COL21A1: variants seen among roughly 807,000 people sequenced by gnomAD.
The protein encoded by COL21A1 is collagen alpha-1(XXI) chain.
In COL21A1, 149 loss-of-function variants were observed where a neutral mutation model predicts 137.9. That is an observed-to-expected ratio of 1.08 (90% CI 0.95 to 1.24). The LOEUF (loss-of-function observed/expected upper bound fraction) is 1.24, where lower values mean the gene tolerates loss of function less well. Ranked by LOEUF, COL21A1 falls within the 50% of genes most tolerant of loss-of-function variation. COL21A1 has a pLI of 0.00. For synonymous variants in COL21A1, 456 were observed against 391.5 expected (o/e 1.16, Z -1.95); for missense variants, 1,167 against 1,158.4 (o/e 1.01, Z -0.11).
Position 56,060,049 on chromosome 6 carries a change from G to T in COL21A1, c.2577C>A (p.Val859=). Residue 859 remains valine, a synonymous_variant, in exon 28 of 30, where the codon GTC becomes GTA. Coordinates refer to ENST00000244728, the MANE Select transcript of COL21A1 (RefSeq NM_030820.4). ...ATCCTCTGACACCTGGACGTCCAGG[G>T]ACACCCACTAATCCAGGAACACCAT... The part of the protein sequence containing the change: ...GRDGVPGLVG[V]PGRPGVRGLK... The T allele has an allele frequency of 6.2e-7, 1 of 1,607,224 alleles. No individual in the cohort carries two copies. The highest frequency in any genetic ancestry group is 8.5e-7 in the Non-Finnish European group (1 of 1,177,874).
At chr6:56,253,495 T>C (rs1782901245) in intron 1 of COL21A1, among the ~76,000 whole-genome samples, 1 of 152,206 alleles carries the variant, frequency 6.6e-6, no homozygotes, top group Non-Finnish European at 1.5e-5. Flanking sequence ...TGACTGAGAA[T>C]GAAGCCAACA....
At chr6:56,232,170 T>A (rs1562009023) in intron 1 of COL21A1, among the ~76,000 whole-genome samples, 1 of 151,970 alleles carries the variant, frequency 6.6e-6, no homozygotes, top group East Asian at 1.9e-4. Flanking sequence ...TTTGAATAAA[T>A]CTATGTCTGG....
chr6:56,119,547 C>T (rs1772265205), intron 16 of COL21A1, among the ~76,000 whole-genome samples: 1 of 151,922 alleles, frequency 6.6e-6, no homozygotes, highest in African/African-American at 2.4e-5. Context: ...CAGAAACATA[C>T]AAAAACCAAT....
intron 16 of COL21A1, among the ~76,000 whole-genome samples, chr6:56,122,066 A>G (rs1281913234): frequency 1.3e-5 from 2 of 152,202 alleles, no homozygotes; most frequent in Non-Finnish European, 2.9e-5. Context: ...AAATACTATT[A>G]GCATTAAAAA....
intron 1 of COL21A1, among the ~76,000 whole-genome samples, chr6:56,313,343 C>G (rs1015532057): frequency 6.6e-6 from 1 of 152,064 alleles, no homozygotes; most frequent in Non-Finnish European, 1.5e-5. Flanking sequence ...AACACATTAC[C>G]TAGCTGTAAC....
chr6:56,375,553 G>A (rs886119184), intron 1 of COL21A1, among the ~76,000 whole-genome samples: 1 of 152,130 alleles, frequency 6.6e-6, no homozygotes, highest in African/African-American at 2.4e-5. Context: ...AGGGTGGTGG[G>A]CACTCTCTGC....
rs114352674 is a variant in COL21A1, at chr6:56,128,988, C to T, written c.1543-2839G>A. On this transcript the variant is annotated intron_variant, in intron 12 of 29. Coordinates refer to ENST00000244728, the MANE Select transcript of COL21A1 (RefSeq NM_030820.4). ...TTGTTTTAATTTTAGTACAACTCTC[C>T]CTCCTCTCCCCAGGCTAGAGACCCT... 3.8e-3 allele frequency among the ~76,000 whole-genome samples: 583 copies of T among 152,246 alleles called. 2 individuals are homozygous for T. The highest frequency in any genetic ancestry group is 0.013 in the African/African-American group (530 of 41,558).
In COL21A1 at chr6:56,088,049, CTTTAA is replaced by C. The variant is rs550399866; in HGVS notation, c.1813-10481_1813-10477del. ...TGATAAATTCTTCATCTTTGTTTTG[CTTTAA>C]TTTATCATATAATAATTTTGCTTTT... On this transcript the variant is annotated intron_variant, in intron 17 of 29. Transcript: ENST00000244728. 3.4e-3 allele frequency among the ~76,000 whole-genome samples: 517 copies of C among 152,182 alleles called. 5 individuals carry two copies. Among genetic ancestry groups the C allele is most frequent in the African/African-American group, 0.012 (496 of 41,522 alleles).
intron 17 of COL21A1, among the ~76,000 whole-genome samples, chr6:56,092,139 G>A (rs1211414603): frequency 6.6e-6 from 1 of 151,832 alleles, no homozygotes; most frequent in Non-Finnish European, 1.5e-5. Flanking sequence ...CAAAATCTAG[G>A]CCTCAATTGT....
chr6:56,179,998 T>A lies in COL21A1; in HGVS notation c.220A>T (p.Ile74Phe). 6.2e-7 allele frequency: 1 copy of A among 1,613,908 alleles called. No homozygotes were observed. Among genetic ancestry groups the A allele is most frequent in the Non-Finnish European group, 8.5e-7 (1 of 1,179,862 alleles). The change falls in exon 3 of 30, where the codon ATT becomes TTT. Residue 74 changes from isoleucine (I) to phenylalanine (F), a missense_variant. Coordinates refer to ENST00000244728, the MANE Select transcript of COL21A1 (RefSeq NM_030820.4). ...TKNFDIGPKF[I>F]QVGVVQYSDY... ...CTATATTGAACCACTCCAACTTGAA[T>A]AAACTTCGGCCCTATGTCAAAGTTT...
chr6:56,343,606 T>C (rs911130811), intron 1 of COL21A1, among the ~76,000 whole-genome samples: 1 of 152,196 alleles, frequency 6.6e-6, no homozygotes, highest in African/African-American at 2.4e-5. Context: ...TTGTCTCAGA[T>C]GCCTCTTTCT....
intron 23 of COL21A1, among the ~76,000 whole-genome samples, chr6:56,065,092 C>A (rs1382158207): frequency 7.2e-5 from 11 of 152,020 alleles, no homozygotes; most frequent in East Asian, 1.9e-4. Flanking sequence ...AAATGAAGAG[C>A]TTTAAAGCAG....
rs866953266 is a variant in COL21A1, at chr6:56,206,693, A to T, written c.-38-24037T>A. ...CCCAATTCAACAAAATAAATAAATAAATAAATATATATATATATATATATA... is the reference window on the plus strand; with the variant it reads ...CCCAATTCAACAAAATAAATAAATATATAAATATATATATATATATATATA... On this transcript the variant is annotated intron_variant, in intron 1 of 29. Coordinates refer to ENST00000244728, the MANE Select transcript of COL21A1 (RefSeq NM_030820.4). Among the ~76,000 whole-genome samples the T allele has an allele frequency of 2.4e-3, 308 of 127,606 alleles. 1 individual carries two copies. The highest frequency in any genetic ancestry group is 3.6e-3 in the Non-Finnish European group (205 of 57,674). The allele number at this position is 127,606 out of a possible 152,430, so 83.7% of individuals were successfully genotyped here.
intron 1 of COL21A1, among the ~76,000 whole-genome samples, chr6:56,329,539 T>C (rs1313772116): frequency 6.6e-6 from 1 of 152,088 alleles, no homozygotes; most frequent in African/African-American, 2.4e-5. Context: ...ACAGTTTAGT[T>C]CAGGGGTGAG....
At chr6:56,181,355 G>C (rs890290208) in intron 2 of COL21A1, among the ~76,000 whole-genome samples, 1 of 152,070 alleles carries the variant, frequency 6.6e-6, no homozygotes, top group African/African-American at 2.4e-5. Context: ...GAAGCTGGAT[G>C]GACTAGGATT....
chr6:56,061,026 CT>C lies in COL21A1; in HGVS notation c.2216del (p.Lys739ArgfsTer21). The C allele has an allele frequency of 6.3e-7, 1 of 1,583,858 alleles. No individual in the cohort carries two copies. The highest frequency in any genetic ancestry group is 1.2e-5 in the South Asian group (1 of 85,958). On this transcript the variant is annotated frameshift_variant, in exon 26 of 30. Coordinates refer to ENST00000244728, the MANE Select transcript of COL21A1 (RefSeq NM_030820.4). LOFTEE classifies it high-confidence loss of function. ...HHGAKGERGE[K>X]GEPGVRGAIG... ...TGGCACCTCGGACACCAGGTTCTCC[CT>C]TTTCACCTCTCTAAAAGCAAAAGAA...
At chr6:56,097,822 C>CATATAAATATATATAAATATATAAATAT (rs1344850973) in intron 17 of COL21A1, among the ~76,000 whole-genome samples, 1 of 40,482 alleles carries the variant, frequency 2.5e-5, no homozygotes, top group Non-Finnish European at 4.5e-5. Context: ...TATATAAATA[C>CATATAAATATATATAAATATATAAATAT]ATATAAATAT....
chr6:56,195,553 AGAG>A (rs1274240913), intron 1 of COL21A1, among the ~76,000 whole-genome samples: 1 of 152,128 alleles, frequency 6.6e-6, no homozygotes, highest in African/African-American at 2.4e-5. Context: ...TTATAATTAA[AGAG>A]GAGCCATTAT....
chr6:56,382,420 C>T (rs546628277), intron 1 of COL21A1, among the ~76,000 whole-genome samples: 4 of 152,306 alleles, frequency 2.6e-5, no homozygotes, highest in Admixed American at 1.3e-4. Context: ...GAGATAGGTT[C>T]TCTGTTCTTC....
Sources: gnomAD v4.1 joint callset for allele counts (sites outside exome capture counted in the v4.1 genomes callset) on GRCh38, gnomAD v4.1.1 for gene constraint, MANE v1.5 for transcripts, NCBI Gene and HGNC (gene_info 2026-07-23, HGNC 2026-07-21) for gene names.